REEP1: variants seen among roughly 807,000 people sequenced by gnomAD.
The protein encoded by REEP1 is receptor expression-enhancing protein 1.
In REEP1, 22 loss-of-function variants were observed where a neutral mutation model predicts 40.3. The ratio of observed to expected loss-of-function variants is 0.55; its 90% CI spans 0.39 to 0.78. The LOEUF (loss-of-function observed/expected upper bound fraction) is 0.78, where lower values mean the gene tolerates loss of function less well. Ranked by LOEUF, REEP1 falls within the 30% of genes least tolerant of loss-of-function variation. The pLI, the probability that REEP1 is intolerant of heterozygous loss-of-function variation, is 0.00. For missense variants in REEP1, 280 were observed against 361.1 expected, an observed-to-expected ratio of 0.78 and a Z score of 1.82; for synonymous variants, 116 against 139.2, an observed-to-expected ratio of 0.83 and a Z score of 1.17.
chr2:86,278,481 T>C (rs1033057944), intron 2 of REEP1, among the ~76,000 whole-genome samples: 1 of 152,212 alleles, frequency 6.6e-6, no homozygotes, highest in African/African-American at 2.4e-5. Context: ...GTGAGTTGTA[T>C]AGAATTCTTG....
intron 7 of REEP1, chr2:86,223,735 T>TTCTCTCTCTCTCTC (rs36078640): frequency 6.7e-6 from 1 of 148,252 alleles, no homozygotes; most frequent in Non-Finnish European, 1.5e-5. Flanking sequence ...CAAAATGCAA[T>TTCTCTCTCTCTCTC]TCTCTCTCTC....
intron 5 of REEP1, among the ~76,000 whole-genome samples, chr2:86,236,330 C>T (rs1465750330): frequency 6.6e-6 from 1 of 152,182 alleles, no homozygotes; most frequent in Non-Finnish European, 1.5e-5. Context: ...TCCACACTGT[C>T]TGTTCAGCTC....
intron 5 of REEP1, among the ~76,000 whole-genome samples, chr2:86,249,495 T>TG (rs934320402): frequency 6.6e-6 from 1 of 152,140 alleles, no homozygotes; most frequent in African/African-American, 2.4e-5. Context: ...TGGTTCTGTA[T>TG]GGGGTCTCAG....
chr2:86,281,006 G>A (rs1386879248), intron 2 of REEP1, among the ~76,000 whole-genome samples: 1 of 152,160 alleles, frequency 6.6e-6, no homozygotes, highest in Non-Finnish European at 1.5e-5. Context: ...TTAGGCTCTC[G>A]GAAGTTTAAG....
chr2:86,281,440 C>T (rs1678088061), intron 2 of REEP1, among the ~76,000 whole-genome samples: 1 of 152,114 alleles, frequency 6.6e-6, no homozygotes, highest in Non-Finnish European at 1.5e-5. Flanking sequence ...CCAGCCTGGC[C>T]AACATGACGA....
intron 5 of REEP1, among the ~76,000 whole-genome samples, chr2:86,250,872 C>T (rs1040801534): frequency 5.3e-5 from 8 of 152,156 alleles, no homozygotes; most frequent in Non-Finnish European, 1.0e-4. Context: ...CAAGGAAAAC[C>T]CAGCTCAGTC....
At chr2:86,291,693 C>G (rs1678702636) in intron 1 of REEP1, among the ~76,000 whole-genome samples, 1 of 152,152 alleles carries the variant, frequency 6.6e-6, no homozygotes, top group Non-Finnish European at 1.5e-5. Context: ...CAAAGCCCTT[C>G]TCCTATCCAA....
chr2:86,286,611 G>C (rs894691812), intron 1 of REEP1, among the ~76,000 whole-genome samples: 1 of 152,174 alleles, frequency 6.6e-6, no homozygotes, highest in African/African-American at 2.4e-5. Flanking sequence ...GATAGTGGGG[G>C]ATGGCCCCAA....
At chr2:86,220,926 G>A (rs948951118) in intron 7 of REEP1, among the ~76,000 whole-genome samples, 12 of 152,098 alleles carry the variant, frequency 7.9e-5, no homozygotes, top group South Asian at 4.1e-4. Context: ...TCTGCTAGGC[G>A]GTTCTTAGTT....
rs200132323 is a variant in REEP1, at chr2:86,214,989, CA to C, written c.*2049del. 456 of 92,512 alleles carry C rather than the reference CA, an allele frequency of 4.9e-3. 2 individuals carry two copies. The highest frequency in any genetic ancestry group is 0.021 in the African/African-American group (375 of 17,804). The allele number at this position is 92,512 out of a possible 1,614,324, so 5.7% of individuals were successfully genotyped here. ...TGCTAAAGGCAATTTATTGTTTCGG[CA>C]AAAAAAAAAAAATTGCTAAGAAGCT... On this transcript the variant is annotated 3_prime_UTR_variant, in exon 9 of 9. Coordinates refer to ENST00000538924, the MANE Select transcript of REEP1 (RefSeq NM_001371279.1).
chr2:86,332,999 G>A (rs1680847806), intron 1 of REEP1, among the ~76,000 whole-genome samples: 1 of 152,164 alleles, frequency 6.6e-6, no homozygotes, highest in Non-Finnish European at 1.5e-5. Flanking sequence ...AGTCAGACCA[G>A]CACTGGGACT....
chr2:86,288,136 C>T (rs2104417530), intron 1 of REEP1, among the ~76,000 whole-genome samples: 1 of 152,150 alleles, frequency 6.6e-6, no homozygotes, highest in Non-Finnish European at 1.5e-5. Flanking sequence ...GATTCTCCTT[C>T]CTCAACCTCC....
intron 1 of REEP1, among the ~76,000 whole-genome samples, chr2:86,334,778 A>G (rs1348122871): frequency 1.3e-5 from 2 of 152,180 alleles, no homozygotes; most frequent in Non-Finnish European, 2.9e-5. Flanking sequence ...CCACAGGAGT[A>G]AATTAAGTCT....
intron 1 of REEP1, among the ~76,000 whole-genome samples, chr2:86,327,572 T>TG (rs1462494846): frequency 6.6e-6 from 1 of 150,564 alleles, no homozygotes; most frequent in Non-Finnish European, 1.5e-5. Context: ...ATCTTACTTT[T>TG]TTTTTTTTTT....
At chr2:86,268,176 T>C (rs138779483) in intron 2 of REEP1, among the ~76,000 whole-genome samples, 62 of 152,166 alleles carry the variant, frequency 4.1e-4, no homozygotes, top group African/African-American at 1.4e-3. Flanking sequence ...AGAAAACATA[T>C]ACAGACTGGG....
intron 2 of REEP1, among the ~76,000 whole-genome samples, chr2:86,267,938 C>T (rs2104326779): frequency 6.6e-6 from 1 of 150,978 alleles, no homozygotes; most frequent in African/African-American, 2.4e-5. Context: ...AAAAATCCAA[C>T]ACTCATTTGT....
At chr2:86,261,959 G>A (rs893220559) in intron 3 of REEP1, among the ~76,000 whole-genome samples, 1 of 152,230 alleles carries the variant, frequency 6.6e-6, no homozygotes, top group Non-Finnish European at 1.5e-5. Context: ...ATATCTAAAA[G>A]CACAGCACTT....
At chr2:86,328,570 T>G (rs937751787) in intron 1 of REEP1, among the ~76,000 whole-genome samples, 1 of 152,184 alleles carries the variant, frequency 6.6e-6, no homozygotes, top group Admixed American at 6.5e-5. Context: ...TCCCGGCTAC[T>G]CGGGAGGCTG....
rs536128308 is a variant in REEP1 at position 86,319,865 on chromosome 2, G to C, written c.32+17614C>G. ...CAGGAGAACAGCATGTGACAATGGA[G>C]GCAGAGATTAAAGTGACGCATTTAC... On this transcript the variant is annotated intron_variant, in intron 1 of 8. Transcript: ENST00000538924. 1.6e-4 allele frequency among the ~76,000 whole-genome samples: 24 copies of C among 152,280 alleles called. No homozygotes were observed. In the South Asian group the frequency reaches 3.9e-3, roughly 25 times the overall value.
Sources: allele counts gnomAD v4.1 joint callset (sites outside exome capture counted in the v4.1 genomes callset), GRCh38; gene constraint gnomAD v4.1.1; transcripts MANE v1.5; gene names NCBI Gene and HGNC (gene_info 2026-07-23, HGNC 2026-07-21).